The following OR9Q1 variants were observed in gnomAD, a reference collection of about 807,000 sequenced individuals.
OR9Q1 encodes the protein olfactory receptor 9Q1.
For missense variants in OR9Q1, 374 were observed against 378.8 expected (o/e 0.99, Z 0.11); for synonymous variants, 153 against 148.6 (o/e 1.03, Z -0.22).
At chr11:58,109,409 G>T (rs1853876658) in intron 2 of OR9Q1, 1 of 458,764 alleles carries the variant, frequency 2.2e-6, no homozygotes, top group Admixed American at 2.3e-5. Context: ...TCTGTGGCCA[G>T]TGTGGCCAGA....
intron 1 of OR9Q1, among the ~76,000 whole-genome samples, chr11:58,032,685 CT>C (rs1853054617): frequency 6.6e-6 from 1 of 152,152 alleles, no homozygotes; most frequent in Non-Finnish European, 1.5e-5. Context: ...AGGAAATACC[CT>C]TCTGGACATT....
At chr11:58,108,303 T>C (rs1420208646) in intron 2 of OR9Q1, among the ~76,000 whole-genome samples, 1 of 152,184 alleles carries the variant, frequency 6.6e-6, no homozygotes, top group Non-Finnish European at 1.5e-5. Context: ...TATAATTTTC[T>C]ACAAAGAGTA....
intron 2 of OR9Q1, among the ~76,000 whole-genome samples, chr11:58,129,488 A>G (rs975214243): frequency 6.6e-6 from 1 of 152,044 alleles, no homozygotes; most frequent in African/African-American, 2.4e-5. Flanking sequence ...CTCAAACCTG[A>G]TATTTTTACT....
intron 2 of OR9Q1, among the ~76,000 whole-genome samples, chr11:58,173,579 T>C (rs1854576431): frequency 6.6e-6 from 1 of 152,030 alleles, no homozygotes; most frequent in Admixed American, 6.6e-5. Context: ...CTATTGTGAA[T>C]AGTGTCATGG....
intron 2 of OR9Q1, chr11:58,125,402 A>G (rs938110996): frequency 4.6e-5 from 7 of 152,258 alleles, no homozygotes; most frequent in African/African-American, 1.7e-4. Context: ...CTTACTTCAG[A>G]GCCAAGGTAA....
chr11:58,037,038 G>A (rs931887726), intron 1 of OR9Q1, among the ~76,000 whole-genome samples: 4 of 152,152 alleles, frequency 2.6e-5, no homozygotes, highest in Non-Finnish European at 4.4e-5. Context: ...TTCACAAAAA[G>A]AAGAGTCAAT....
chr11:58,117,145 A>G (rs1279966208), intron 2 of OR9Q1: 1 of 152,206 alleles, frequency 6.6e-6, no homozygotes, highest in East Asian at 1.9e-4. Flanking sequence ...AAGGGAAGAG[A>G]AGATAAGAGA....
rs553516802 is a variant in OR9Q1, at chr11:58,026,509, G to A, written c.-93+2405G>A. On this transcript the variant is annotated intron_variant, in intron 1 of 2. Coordinates refer to ENST00000335397, the MANE Select transcript of OR9Q1 (RefSeq NM_001005212.4). The stretch of plus-strand genomic sequence containing the variant: ...CCAGCCTGGCCAATATGGTGAAACC[G>A]TGTCTCTATTAAAAATACAAAAATT... Among the ~76,000 whole-genome samples the A allele has an allele frequency of 2.0e-3, 299 of 151,704 alleles. 2 individuals carry two copies. Among genetic ancestry groups the A allele is most frequent in the African/African-American group, 6.6e-3 (271 of 41,348 alleles).
chr11:58,151,950 T>C (rs1032329637), intron 2 of OR9Q1, among the ~76,000 whole-genome samples: 2 of 152,132 alleles, frequency 1.3e-5, no homozygotes, highest in African/African-American at 4.8e-5. Context: ...ACAGTTCAGA[T>C]TGCATGTTTA....
intron 2 of OR9Q1, among the ~76,000 whole-genome samples, chr11:58,095,950 A>G (rs1853727020): frequency 6.6e-6 from 1 of 152,234 alleles, no homozygotes; most frequent in African/African-American, 2.4e-5. Context: ...TCAGTGTGGT[A>G]GAAGCTGGAG....
chr11:58,157,517 A>G (rs1234793213), intron 2 of OR9Q1, among the ~76,000 whole-genome samples: 1 of 152,174 alleles, frequency 6.6e-6, no homozygotes, highest in Non-Finnish European at 1.5e-5. Flanking sequence ...ATAATACCTG[A>G]GAAAAAGGAA....
intron 1 of OR9Q1, 48 bp downstream of exon 1, chr11:58,024,152 A>C (rs891977626): frequency 2.6e-5 from 4 of 152,362 alleles, no homozygotes; most frequent in African/African-American, 9.7e-5. Flanking sequence ...TGCTGTTAAC[A>C]CAGGGGGCTG....
Position 58,027,514 on chromosome 11 carries a change from G to A in OR9Q1, c.-93+3410G>A, listed in dbSNP as rs1025994073. Among the ~76,000 whole-genome samples, 13 of 152,222 alleles carry A rather than the reference G, an allele frequency of 8.5e-5. No individual in the cohort carries two copies. In the South Asian group the frequency reaches 1.2e-3, roughly 15 times the overall value. ...AAACCCACAGAGAAGAATATGTGGC[G>A]GAAACTGCCTGTGGCTCATAAAGCT... On this transcript the variant is annotated intron_variant, in intron 1 of 2. Transcript: ENST00000335397.
At chr11:58,069,903 A>AAAC (rs1565067473) in intron 2 of OR9Q1, among the ~76,000 whole-genome samples, 16 of 131,900 alleles carry the variant, frequency 1.2e-4, no homozygotes, top group African/African-American at 4.9e-4. Flanking sequence ...CCAAACCAAA[A>AAAC]CAAAACAAAA....
chr11:58,065,672 G>T (rs1032471255), intron 2 of OR9Q1, among the ~76,000 whole-genome samples: 16 of 152,078 alleles, frequency 1.1e-4, no homozygotes, highest in African/African-American at 3.6e-4. Flanking sequence ...GGCTTTAGTT[G>T]CCGTGATTTT....
chr11:58,128,689 A>G (rs1854112865), intron 2 of OR9Q1, among the ~76,000 whole-genome samples: 1 of 152,208 alleles, frequency 6.6e-6, no homozygotes. Flanking sequence ...TGGATAAAGA[A>G]AATGTGGAAA....
At chr11:58,044,895 T>G (rs1853201642) in intron 1 of OR9Q1, 1 of 152,182 alleles carries the variant, frequency 6.6e-6, no homozygotes, top group Non-Finnish European at 1.5e-5. Context: ...ATCCCTAATT[T>G]GAAAATCTGA....
chr11:58,118,834 T>C, intron 2 of OR9Q1: 2 of 1,613,976 alleles, frequency 1.2e-6, no homozygotes, highest in South Asian at 2.2e-5. Context: ...AATCACAAAA[T>C]TGCCAAAGAA....
chr11:58,173,178 C>T (rs897704091), intron 2 of OR9Q1, among the ~76,000 whole-genome samples: 1 of 151,698 alleles, frequency 6.6e-6, no homozygotes. Context: ...GGTACATGTG[C>T]ACTATGTGCA....
Sources: allele counts gnomAD v4.1 joint callset (sites outside exome capture counted in the v4.1 genomes callset), GRCh38; gene constraint gnomAD v4.1.1; transcripts MANE v1.5; gene names NCBI Gene and HGNC (gene_info 2026-07-23, HGNC 2026-07-21).